The following PI4K2B variants were observed in gnomAD, a reference collection of about 807,000 sequenced individuals.
PI4K2B encodes the protein phosphatidylinositol 4-kinase type 2-beta.
A neutral mutation model predicts 56.6 loss-of-function variants in PI4K2B; 46 were observed. The ratio of observed to expected loss-of-function variants is 0.81; its 90% confidence interval spans 0.64 to 1.04. The LOEUF is 1.04. Ranked by LOEUF, PI4K2B falls within the 50% of genes least tolerant of loss-of-function variation. The pLI, the probability that PI4K2B is intolerant of heterozygous loss-of-function variation, is 0.00. For synonymous variants in PI4K2B, 211 were observed against 223.8 expected, an observed-to-expected ratio of 0.94 and a Z score of 0.51; for missense variants, 556 against 607.7, an observed-to-expected ratio of 0.91 and a Z score of 0.89.
In PI4K2B at chr4:25,234,124, C is replaced by G. The variant is rs539668108; in HGVS notation, c.-40C>G. The G allele has an allele frequency of 1.6e-5, 20 of 1,287,178 alleles. No individual in the cohort carries two copies. The highest frequency in any genetic ancestry group is 2.0e-5 in the Non-Finnish European group (20 of 1,013,686). The allele number at this position is 1,287,178 out of a possible 1,614,324, so 79.7% of individuals were successfully genotyped here. A position where few individuals can be genotyped will look rare whatever the true frequency, so the allele number is the denominator to read the frequency against. On this transcript the variant is annotated 5_prime_UTR_variant, in exon 1 of 10. Coordinates refer to ENST00000264864, the MANE Select transcript of PI4K2B (RefSeq NM_018323.4). Reference sequence around the variant, plus strand: ...GAGCCCAGTCTCTGGCACCTGGCTGCTCTGATCTGGTCTCAGCGCGGAGGG... The same window carrying G: ...GAGCCCAGTCTCTGGCACCTGGCTGGTCTGATCTGGTCTCAGCGCGGAGGG...
intron 7 of PI4K2B, among the ~76,000 whole-genome samples, chr4:25,264,715 A>G (rs1436593593): frequency 6.6e-6 from 1 of 151,838 alleles, no homozygotes; most frequent in African/African-American, 2.4e-5. Context: ...TACAAAAAAT[A>G]CAAAAATGAG....
intron 6 of PI4K2B, among the ~76,000 whole-genome samples, chr4:25,262,342 A>G (rs1716510145): frequency 6.6e-6 from 1 of 152,136 alleles, no homozygotes; most frequent in Admixed American, 6.5e-5. Flanking sequence ...CCCTGTCTCA[A>G]AAAAATAAAA....
chr4:25,243,710 C>T (rs142571471), intron 1 of PI4K2B, among the ~76,000 whole-genome samples: 4,793 of 152,262 alleles, frequency 0.031, 121 homozygotes, highest in African/African-American at 0.063. Flanking sequence ...TAAGGCCTCT[C>T]GTAGCCGCTC....
intron 1 of PI4K2B, among the ~76,000 whole-genome samples, chr4:25,234,741 A>G (rs964210366): frequency 1.3e-5 from 2 of 152,358 alleles, no homozygotes; most frequent in East Asian, 3.9e-4. Flanking sequence ...CTGTAAAATG[A>G]CGTAAGTCCT....
intron 1 of PI4K2B, among the ~76,000 whole-genome samples, chr4:25,242,632 A>G (rs1362208313): frequency 6.6e-6 from 1 of 152,234 alleles, no homozygotes; most frequent in Non-Finnish European, 1.5e-5. Flanking sequence ...TTGTACTCCC[A>G]GAATTGGGGT....
intron 1 of PI4K2B, among the ~76,000 whole-genome samples, chr4:25,244,203 T>C (rs1185929149): frequency 1.3e-5 from 2 of 152,182 alleles, no homozygotes; most frequent in African/African-American, 4.8e-5. Flanking sequence ...CCCCTCCCCC[T>C]ACAGCTTGAA....
chr4:25,252,176 G>T, intron 1 of PI4K2B, 145 bp from the exon 2 acceptor site: 1 of 538,960 alleles, frequency 1.9e-6, no homozygotes, highest in Non-Finnish European at 3.3e-6. Flanking sequence ...GGGTTGTTAG[G>T]CAGTGGGGGG....
At position 25,276,675 on chromosome 4, in the gene PI4K2B, G is replaced by C. The variant is rs550669997; in HGVS notation, c.1273-339G>C. The C allele has an allele frequency of 4.3e-5, 42 of 984,872 alleles. No homozygotes were observed. In the South Asian group the frequency reaches 1.8e-3, roughly 43 times the overall value. The allele number at this position is 984,872 out of a possible 1,614,324, so 61.0% of individuals were successfully genotyped here. A position where few individuals can be genotyped will look rare whatever the true frequency, so the allele number is the denominator to read the frequency against. On this transcript the variant is annotated intron_variant, in intron 9 of 9. Transcript: ENST00000264864. ...AAACCAGTATTTGTTGAGTTTTTAT[G>C]TTAAATTGAATATGTATGTAGACCT...
At chr4:25,243,201 C>T (rs1007676676) in intron 1 of PI4K2B, among the ~76,000 whole-genome samples, 1 of 152,290 alleles carries the variant, frequency 6.6e-6, no homozygotes, top group East Asian at 1.9e-4. Context: ...CATGAGCTGG[C>T]GCTTGCCCCG....
At chr4:25,242,624 G>A (rs1270485530) in intron 1 of PI4K2B, among the ~76,000 whole-genome samples, 1 of 152,232 alleles carries the variant, frequency 6.6e-6, no homozygotes, top group African/African-American at 2.4e-5. Context: ...TTCAGTTTTT[G>A]TACTCCCAGA....
chr4:25,242,934 C>T (rs903866740), intron 1 of PI4K2B, among the ~76,000 whole-genome samples: 1 of 152,206 alleles, frequency 6.6e-6, no homozygotes, highest in Non-Finnish European at 1.5e-5. Context: ...ATATATCCCT[C>T]CCTAATAAGG....
chr4:25,247,694 G>A (rs766649917), intron 1 of PI4K2B, among the ~76,000 whole-genome samples: 4 of 152,092 alleles, frequency 2.6e-5, no homozygotes, highest in Non-Finnish European at 4.4e-5. Flanking sequence ...CACCAAATTT[G>A]TGAACACCTC....
intron 2 of PI4K2B, 84 bp downstream of exon 2, chr4:25,252,559 G>T: frequency 1.0e-6 from 1 of 961,362 alleles, no homozygotes. Context: ...AGTTTCTAAA[G>T]ATATTTTCCT....
At chr4:25,261,075 T>C (rs1716458641) in intron 6 of PI4K2B, among the ~76,000 whole-genome samples, 1 of 152,082 alleles carries the variant, frequency 6.6e-6, no homozygotes, top group Non-Finnish European at 1.5e-5. Context: ...AATAGAAGAA[T>C]AATACCTGCC....
intron 5 of PI4K2B, among the ~76,000 whole-genome samples, 192 bp downstream of exon 5, chr4:25,259,382 A>C (rs1716371604): frequency 6.6e-6 from 1 of 152,150 alleles, no homozygotes; most frequent in African/African-American, 2.4e-5. Context: ...TCTGACTCAT[A>C]GCAGGCTCCT....
chr4:25,270,979 A>G (rs976979494), intron 9 of PI4K2B, among the ~76,000 whole-genome samples: 1 of 152,210 alleles, frequency 6.6e-6, no homozygotes, highest in South Asian at 2.1e-4. Flanking sequence ...TGACAGAACT[A>G]GTGCTGGCAA....
chr4:25,263,864 C>G lies in PI4K2B; in HGVS notation c.1078+15C>G, dbSNP rs763839210. The G allele has an allele frequency of 3.6e-5, 41 of 1,133,614 alleles. No homozygotes were observed. In the Middle Eastern group the frequency reaches 2.1e-3, roughly 59 times the overall value. 70.2% of individuals were successfully genotyped at this position (1,133,614 alleles called of 1,614,324 possible). A position where few individuals can be genotyped will look rare whatever the true frequency, so the allele number is the denominator to read the frequency against. On this transcript the variant is annotated intron_variant, in intron 7 of 9. Coordinates refer to ENST00000264864, the MANE Select transcript of PI4K2B (RefSeq NM_018323.4). ...ATGGAGAGCATGTGAGTATTTAGAA[C>G]CTTCTGTAGAGTCTATAATTACCTT...
chr4:25,246,829 G>A (rs949989787), intron 1 of PI4K2B, among the ~76,000 whole-genome samples: 7 of 152,342 alleles, frequency 4.6e-5, no homozygotes, highest in African/African-American at 1.4e-4. Flanking sequence ...GGGGGACCCA[G>A]CAGCACCCTC....
intron 1 of PI4K2B, among the ~76,000 whole-genome samples, chr4:25,239,546 A>G (rs1262489190): frequency 1.7e-5 from 1 of 59,986 alleles, no homozygotes; most frequent in Non-Finnish European, 7.2e-5. Flanking sequence ...TGCCAAGCCC[A>G]TGCCCACCCG....
Sources: allele counts gnomAD v4.1 joint callset (sites outside exome capture counted in the v4.1 genomes callset), GRCh38; gene constraint gnomAD v4.1.1; transcripts MANE v1.5; gene names NCBI Gene and HGNC (gene_info 2026-07-23, HGNC 2026-07-21).